Variants in AOPEP observed in about 807,000 individuals in gnomAD.
The protein encoded by AOPEP is aminopeptidase O.
Under a neutral mutation model 98.1 loss-of-function variants are expected in AOPEP, and 77 were observed. The observed-to-expected ratio is 0.78, with a 90% confidence interval of 0.65 to 0.95. The LOEUF (loss-of-function observed/expected upper bound fraction) is 0.95. AOPEP is among the 40% of genes least tolerant of loss of function. The probability of loss-of-function intolerance (pLI) is 0.00; values close to 1 mark genes in which losing one functional copy is unlikely to be tolerated. For synonymous variants in AOPEP, 346 were observed against 365.3 expected (o/e 0.95, Z 0.60); for missense variants, 1,024 against 1,024.7 (o/e 1.00, Z 0.01).
At chr9:94,896,079 G>A (rs1278469455) in intron 5 of AOPEP, among the ~76,000 whole-genome samples, 5 of 152,134 alleles carry the variant, frequency 3.3e-5, no homozygotes, top group African/African-American at 1.2e-4. Context: ...ATTATTGAAA[G>A]GAGGCAGCAA....
At chr9:95,006,794 G>GT (rs1260829408) in intron 13 of AOPEP, among the ~76,000 whole-genome samples, 8 of 151,632 alleles carry the variant, frequency 5.3e-5, no homozygotes, top group African/African-American at 1.7e-4. Flanking sequence ...TGGTTTAGGT[G>GT]TTTTTTTAAA....
chr9:95,039,207 A>G (rs1390949649), intron 13 of AOPEP, among the ~76,000 whole-genome samples: 1 of 152,148 alleles, frequency 6.6e-6, no homozygotes, highest in African/African-American at 2.4e-5. Context: ...GCAATTGAGA[A>G]TGGTCCAAAG....
intron 5 of AOPEP, among the ~76,000 whole-genome samples, chr9:94,899,050 T>C (rs2050000720): frequency 6.6e-6 from 1 of 152,188 alleles, no homozygotes; most frequent in African/African-American, 2.4e-5. Flanking sequence ...ATCATGCATT[T>C]GTCCTTATTA....
the AOPEP span, among the ~76,000 whole-genome samples, chr9:95,122,463 A>G: frequency 4.6e-5 from 7 of 152,326 alleles, no homozygotes; most frequent in South Asian, 1.2e-3. Context: ...ATACCTATGC[A>G]GGCATTGGCA....
intron 5 of AOPEP, among the ~76,000 whole-genome samples, chr9:94,881,246 A>AT (rs71366267): frequency 0.027 from 3,850 of 145,096 alleles, 126 homozygotes; most frequent in African/African-American, 0.075. Flanking sequence ...TGCTGCTTCT[A>AT]TTTTTTTTTT....
At chr9:95,005,370 TCG>T (rs1439471056) in intron 12 of AOPEP, 150 bp downstream of exon 12, 1 of 801,978 alleles carries the variant, frequency 1.2e-6, no homozygotes, top group African/African-American at 1.8e-5. Flanking sequence ...GTGACGAAGG[TCG>T]CGGCCCCTGC....
chr9:94,849,672 T>G (rs1257235921), intron 5 of AOPEP, among the ~76,000 whole-genome samples: 1 of 151,516 alleles, frequency 6.6e-6, no homozygotes, highest in Admixed American at 6.6e-5. Flanking sequence ...GGCATTAGAG[T>G]CACATAAGGA....
rs1473602925 is a variant in AOPEP at position 95,081,999 on chromosome 9, C to T, written c.2320-576C>T. On this transcript the variant is annotated intron_variant, in intron 15 of 16. Coordinates refer to ENST00000375315, the MANE Select transcript of AOPEP (RefSeq NM_001193329.3). ...AGATGTGAGTGTTTGCGGCATTGTT[C>T]CCAAGCAGCAGAGCCGGTGCGGGCT... Among the ~76,000 whole-genome samples, 12 of 152,044 alleles carry T rather than the reference C, an allele frequency of 7.9e-5. No individual in the cohort carries two copies. The East Asian group carries it at 1.9e-3, about 25-fold the overall frequency.
chr9:95,080,323 C>T lies in AOPEP; in HGVS notation c.2233-371C>T, dbSNP rs965663466. Reference sequence around the variant, plus strand: ...CGGGCGGATCACGAGGTGAGGAGATCGAGACCAGCCTGGCCAACATAGTGA... The same window carrying T: ...CGGGCGGATCACGAGGTGAGGAGATTGAGACCAGCCTGGCCAACATAGTGA... On this transcript the variant is annotated intron_variant, in intron 14 of 16. Coordinates refer to ENST00000375315, the MANE Select transcript of AOPEP (RefSeq NM_001193329.3). Among the ~76,000 whole-genome samples, 8 of 152,060 alleles carry T rather than the reference C, an allele frequency of 5.3e-5. No individual in the cohort carries two copies. The East Asian group carries it at 7.7e-4, about 15-fold the overall frequency.
In AOPEP at chr9:95,005,313, G is replaced by A. The variant is rs1383669544; in HGVS notation, c.2040+93G>A. ...CCTGGCTCTGCGCTGCGGCGCGCGG[G>A]TGCGGGGACTACCCGCCAGGCTCCG... On this transcript the variant is annotated intron_variant, in intron 12 of 16. Transcript: ENST00000375315. 7.9e-6 allele frequency: 6 copies of A among 762,892 alleles called. No homozygotes were observed. In the East Asian group the frequency reaches 2.8e-4, roughly 35 times the overall value. The allele number at this position is 762,892 out of a possible 1,614,324, so 47.3% of individuals were successfully genotyped here.
At chr9:94,964,491 T>C (rs1341439004) in intron 9 of AOPEP, among the ~76,000 whole-genome samples, 3 of 152,132 alleles carry the variant, frequency 2.0e-5, no homozygotes, top group African/African-American at 7.2e-5. Flanking sequence ...TGCAATTAAA[T>C]TCCCCCCGTT....
At chr9:95,063,985 A>G (rs1421351655) in intron 14 of AOPEP, among the ~76,000 whole-genome samples, 1 of 152,198 alleles carries the variant, frequency 6.6e-6, no homozygotes, top group Non-Finnish European at 1.5e-5. Flanking sequence ...AAAGCTTGCT[A>G]ACAACATTTA....
the AOPEP span, chr9:95,126,568 C>CA: frequency 6.2e-7 from 1 of 1,614,038 alleles, no homozygotes; most frequent in Non-Finnish European, 8.5e-7. Context: ...GGCAGGGTGG[C>CA]AGGCTGCTTG....
intron 10 of AOPEP, among the ~76,000 whole-genome samples, chr9:94,977,438 C>G (rs894189100): frequency 6.6e-6 from 1 of 152,110 alleles, no homozygotes; most frequent in Non-Finnish European, 1.5e-5. Context: ...GTGTTTCTCT[C>G]TAGCTGGTCA....
intron 14 of AOPEP, among the ~76,000 whole-genome samples, chr9:95,075,601 C>T (rs547905213): frequency 1.5e-4 from 23 of 152,306 alleles, no homozygotes; most frequent in African/African-American, 4.6e-4. Context: ...AAAAAATGCT[C>T]GGACATGGTG....
At chr9:94,800,654 C>G (rs1401594989) in intron 4 of AOPEP, 103 bp from the exon 5 acceptor site, 2 of 1,220,362 alleles carry the variant, frequency 1.6e-6, no homozygotes, top group Admixed American at 1.7e-5. Context: ...GTGAGTCTGT[C>G]TGAACCTCTG....
At chr9:94,990,611 T>TTTAATTAATTAA (rs139232680) in intron 11 of AOPEP, among the ~76,000 whole-genome samples, 1 of 149,972 alleles carries the variant, frequency 6.7e-6, no homozygotes, top group South Asian at 2.1e-4. Context: ...GATTATTTAA[T>TTTAATTAATTAA]TTAATTAATT....
At chr9:94,759,245 C>G (rs1015191720) in intron 1 of AOPEP, among the ~76,000 whole-genome samples, 1 of 152,200 alleles carries the variant, frequency 6.6e-6, no homozygotes, top group Non-Finnish European at 1.5e-5. Flanking sequence ...TTCATTCACA[C>G]TTGTTACTTG....
intron 5 of AOPEP, among the ~76,000 whole-genome samples, chr9:94,861,946 T>C (rs940007968): frequency 6.6e-6 from 1 of 152,224 alleles, no homozygotes; most frequent in Non-Finnish European, 1.5e-5. Flanking sequence ...TGTTGTTTGG[T>C]TGGATTTTAA....
Sources: allele counts gnomAD v4.1 joint callset (sites outside exome capture counted in the v4.1 genomes callset), GRCh38; gene constraint gnomAD v4.1.1; transcripts MANE v1.5; gene names NCBI Gene and HGNC (gene_info 2026-07-23, HGNC 2026-07-21).